SAE1: variants seen among roughly 807,000 people sequenced by gnomAD.
SAE1 encodes the protein SUMO-activating enzyme subunit 1.
A neutral mutation model predicts 40.6 loss-of-function variants in SAE1; 11 were observed. The ratio of observed to expected loss-of-function variants is 0.27; its 90% CI spans 0.17 to 0.45. SAE1 has a LOEUF of 0.45. Among genes scored for constraint, SAE1 ranks in the 20% least tolerant of loss-of-function variants. The pLI is 1.00. For missense variants in SAE1, 373 were observed against 427.3 expected, an observed-to-expected ratio of 0.87 and a Z score of 1.12; for synonymous variants, 155 against 154.3, an observed-to-expected ratio of 1.00 and a Z score of -0.03.
At chr19:47,164,900 C>T (rs1831506537) in intron 5 of SAE1, among the ~76,000 whole-genome samples, 1 of 151,792 alleles carries the variant, frequency 6.6e-6, no homozygotes, top group Admixed American at 6.6e-5. Context: ...GATCCGCCTG[C>T]CTCAGCCTCC....
chr19:47,144,351 T>C (rs766930044), intron 2 of SAE1, among the ~76,000 whole-genome samples: 66 of 148,252 alleles, frequency 4.5e-4, no homozygotes, highest in Non-Finnish European at 8.1e-4. Flanking sequence ...AATAAATTAA[T>C]GAAAGGTGTT....
intron 6 of SAE1, chr19:47,180,050 A>C (rs1246276790): frequency 5.1e-6 from 2 of 391,894 alleles, no homozygotes; most frequent in African/African-American, 4.2e-5. Flanking sequence ...ATTGGAATTG[A>C]AGTTATCTGG....
chr19:47,205,738 T>A (rs948796405), intron 8 of SAE1, among the ~76,000 whole-genome samples: 1 of 152,220 alleles, frequency 6.6e-6, no homozygotes, highest in Non-Finnish European at 1.5e-5. Context: ...CAGTGTTTTT[T>A]ACGTGGATAC....
At chr19:47,154,661 G>GT (rs2058309728) in intron 4 of SAE1, among the ~76,000 whole-genome samples, 1 of 150,948 alleles carries the variant, frequency 6.6e-6, no homozygotes, top group African/African-American at 2.4e-5. Context: ...CGCCCGGCTA[G>GT]TTTTTTGTAT....
intron 2 of SAE1, among the ~76,000 whole-genome samples, chr19:47,144,993 G>A (rs2058246454): frequency 6.6e-6 from 1 of 151,772 alleles, no homozygotes; most frequent in Non-Finnish European, 1.5e-5. Flanking sequence ...CACCACGCCT[G>A]GCTAAGTTTT....
At chr19:47,179,396 A>C (rs935868269) in intron 6 of SAE1, among the ~76,000 whole-genome samples, 1 of 151,128 alleles carries the variant, frequency 6.6e-6, no homozygotes, top group Non-Finnish European at 1.5e-5. Context: ...AATCCTAGCT[A>C]CTTGGGAGGC....
chr19:47,164,627 T>C (rs1042293285), intron 5 of SAE1, among the ~76,000 whole-genome samples: 2 of 147,482 alleles, frequency 1.4e-5, no homozygotes, highest in African/African-American at 5.0e-5. Context: ...ATGGGCTATG[T>C]GGAGAATTCA....
At chr19:47,160,804 C>T (rs1454327473) in intron 5 of SAE1, among the ~76,000 whole-genome samples, 1 of 152,224 alleles carries the variant, frequency 6.6e-6, no homozygotes, top group Middle Eastern at 3.4e-3. Context: ...GCTGGGATTA[C>T]AGGCGTGAGC....
intron 1 of SAE1, among the ~76,000 whole-genome samples, chr19:47,141,245 G>T (rs983190501): frequency 2.6e-5 from 4 of 151,926 alleles, no homozygotes; most frequent in African/African-American, 9.7e-5. Context: ...CAAGTGATCT[G>T]CCCGCCTTGG....
chr19:47,183,422 G>T, intron 6 of SAE1, among the ~76,000 whole-genome samples: 1 of 151,952 alleles, frequency 6.6e-6, no homozygotes, highest in Non-Finnish European at 1.5e-5. Context: ...TTTAAGCATC[G>T]CCCAACAAAG....
At chr19:47,203,619 G>A (rs2058667504) in intron 7 of SAE1, 52 bp from the exon 8 acceptor site, 1 of 1,530,616 alleles carries the variant, frequency 6.5e-7, no homozygotes, top group Non-Finnish European at 9.0e-7. Context: ...CAGATGTCAT[G>A]GTCACAGTTC....
Position 47,195,013 on chromosome 19 carries a change from G to T in SAE1, c.734-2220G>T, listed in dbSNP as rs531648209. On this transcript the variant is annotated intron_variant, in intron 6 of 8. Transcript: ENST00000270225. ...CTGCCTCGGCCTCCCAAAGTGCTGGGATTACAGACGTTACAGACGTGAGCC... is the reference window on the plus strand; with the variant it reads ...CTGCCTCGGCCTCCCAAAGTGCTGGTATTACAGACGTTACAGACGTGAGCC... Among the ~76,000 whole-genome samples the T allele has an allele frequency of 4.0e-5, 6 of 150,400 alleles. No homozygotes were observed. The South Asian group carries it at 1.3e-3, about 32-fold the overall frequency.
intron 3 of SAE1, among the ~76,000 whole-genome samples, chr19:47,151,478 T>G (rs951074001): frequency 6.6e-6 from 1 of 151,482 alleles, no homozygotes; most frequent in South Asian, 2.1e-4. Context: ...TTTCTTTCTT[T>G]CTTTCTTTTT....
chr19:47,190,472 T>C (rs941830686), intron 6 of SAE1, among the ~76,000 whole-genome samples: 4 of 152,126 alleles, frequency 2.6e-5, no homozygotes, highest in Non-Finnish European at 5.9e-5. Flanking sequence ...GCTTTCTTCC[T>C]GCCCCCCTCC....
At chr19:47,133,431 TAGAC>T (rs1207538886) in intron 1 of SAE1, among the ~76,000 whole-genome samples, 1 of 152,222 alleles carries the variant, frequency 6.6e-6, no homozygotes, top group Non-Finnish European at 1.5e-5. Context: ...TTCACCATGT[TAGAC>T]AGGATAGTCT....
intron 6 of SAE1, among the ~76,000 whole-genome samples, chr19:47,181,899 A>G (rs543285967): frequency 6.8e-6 from 1 of 146,712 alleles, no homozygotes; most frequent in African/African-American, 2.5e-5. Flanking sequence ...AGCCTCCTGG[A>G]CTCAAGCGAT....
In SAE1 at chr19:47,164,941, A is replaced by C. The variant is rs145435213; in HGVS notation, c.628-4877A>C. 9.4e-3 allele frequency among the ~76,000 whole-genome samples: 1,425 copies of C among 150,872 alleles called. 24 individuals are homozygous for C. Among genetic ancestry groups the C allele is most frequent in the African/African-American group, 0.033 (1,348 of 41,096 alleles). On this transcript the variant is annotated intron_variant, in intron 5 of 8. Transcript: ENST00000270225. The stretch of plus-strand genomic sequence containing the variant: ...TGCTGGGATTACAGGCGTGAGCCAC[A>C]GTGCCCGGCTAATTTTTGTATTTTT...
At chr19:47,148,495 C>T (rs2058267663) in intron 2 of SAE1, among the ~76,000 whole-genome samples, 1 of 152,006 alleles carries the variant, frequency 6.6e-6, no homozygotes, top group African/African-American at 2.4e-5. Context: ...TGTAATCTTA[C>T]TGGTGGCTAT....
intron 6 of SAE1, among the ~76,000 whole-genome samples, chr19:47,173,767 CCTTTCTTTT>C (rs937814575): frequency 5.9e-5 from 9 of 151,870 alleles, no homozygotes; most frequent in Admixed American, 1.3e-4. Context: ...CCAGTTGACT[CCTTTCTTTT>C]CTTTCTTTTC....
Sources: gnomAD v4.1 joint callset for allele counts (sites outside exome capture counted in the v4.1 genomes callset) on GRCh38, gnomAD v4.1.1 for gene constraint, MANE v1.5 for transcripts, NCBI Gene and HGNC (gene_info 2026-07-23, HGNC 2026-07-21) for gene names.